ZNF91: variants seen among roughly 807,000 people sequenced by gnomAD.
ZNF91 encodes zinc finger protein 91 (HPF7, HTF10).
In ZNF91, 7 loss-of-function variants were observed where a neutral mutation model predicts 12.6. The ratio of observed to expected loss-of-function variants is 0.55; its 90% CI spans 0.31 to 1.04. The LOEUF (loss-of-function observed/expected upper bound fraction) is 1.04. Ranked by LOEUF, ZNF91 falls within the 50% of genes least tolerant of loss-of-function variation. The probability of loss-of-function intolerance (pLI) is 0.05; values close to 1 mark genes in which losing one functional copy is unlikely to be tolerated. For missense variants in ZNF91, 1,217 were observed against 1,385.4 expected (o/e 0.88, Z 1.93); for synonymous variants, 453 against 462.6 (o/e 0.98, Z 0.27).
intron 3 of ZNF91, chr19:23,339,427 G>C (rs987156332): frequency 6.6e-6 from 1 of 152,054 alleles, no homozygotes; most frequent in Non-Finnish European, 1.5e-5. Context: ...AATAATAGTG[G>C]AGAAATTCAA....
upstream of ZNF91, among the ~76,000 whole-genome samples, chr19:23,314,218 G>A (rs1349275117): frequency 6.6e-6 from 1 of 152,122 alleles, no homozygotes; most frequent in African/African-American, 2.4e-5. Flanking sequence ...TGCGAACAGG[G>A]GGAATTGTGA....
At position 23,360,788 on chromosome 19, in the gene ZNF91, T is replaced by C. The variant is rs1468909822; in HGVS notation, c.2191A>G (p.Ile731Val). ...KAFNRSSNLTIHKFIHTGEKP... is the reference protein window; with the variant it reads ...KAFNRSSNLTVHKFIHTGEKP... ...TCTCCAGTATGAATAAACTTATGTA[T>C]AGTAAGATTTGAAGATCGATTAAAA... Residue 731 changes from isoleucine (I) to valine (V), a missense_variant, in exon 4 of 4, where the codon ATA (isoleucine) becomes GTA (valine). By Grantham distance (29) the Ile-to-Val change is conservative. Coordinates refer to ENST00000300619, the MANE Select transcript of ZNF91 (RefSeq NM_003430.4). 8 of 1,613,034 alleles carry C rather than the reference T, an allele frequency of 5.0e-6. No individual in the cohort carries two copies. The highest frequency in any genetic ancestry group is 1.3e-5 in the African/African-American group (1 of 74,894).
chr19:23,372,336 A>G (rs571447650), intron 3 of ZNF91, among the ~76,000 whole-genome samples: 1 of 152,260 alleles, frequency 6.6e-6, no homozygotes, highest in African/African-American at 2.4e-5. Context: ...CACACCTGTA[A>G]TGACAGCTAC....
chr19:23,322,253 G>A (rs1447218948), intron 1 of ZNF91, among the ~76,000 whole-genome samples: 1 of 152,156 alleles, frequency 6.6e-6, no homozygotes. Flanking sequence ...TGGCGCTCCT[G>A]CTTTGGTCTT....
At chr19:23,389,505 A>T (rs1441624331) in intron 1 of ZNF91, among the ~76,000 whole-genome samples, 1 of 151,934 alleles carries the variant, frequency 6.6e-6, no homozygotes, top group Non-Finnish European at 1.5e-5. Flanking sequence ...TCTAGTGGGT[A>T]TGTTAGTGAG....
chr19:23,378,266 C>T (rs1161881894), intron 1 of ZNF91, among the ~76,000 whole-genome samples: 7 of 152,126 alleles, frequency 4.6e-5, no homozygotes, highest in Non-Finnish European at 8.8e-5. Context: ...GGATTCATTA[C>T]CCAAAACTCT....
intron 3 of ZNF91, among the ~76,000 whole-genome samples, chr19:23,305,626 C>T (rs534319656): frequency 1.3e-5 from 2 of 152,194 alleles, no homozygotes; most frequent in South Asian, 2.1e-4. Context: ...TCCAGTCAGC[C>T]GATATTTGAG....
intron 1 of ZNF91, among the ~76,000 whole-genome samples, chr19:23,318,833 C>A (rs1967624447): frequency 6.6e-6 from 1 of 152,292 alleles, no homozygotes; most frequent in African/African-American, 2.4e-5. Context: ...GGGCCCATTA[C>A]CTAGATGGTG....
At chr19:23,306,237 T>A (rs1967396965) in intron 3 of ZNF91, among the ~76,000 whole-genome samples, 1 of 152,202 alleles carries the variant, frequency 6.6e-6, no homozygotes, top group Admixed American at 6.5e-5. Context: ...CACACAGGTG[T>A]TGACTCTCAT....
At chr19:23,375,380 C>T (rs1254347559) in intron 1 of ZNF91, among the ~76,000 whole-genome samples, 1 of 152,048 alleles carries the variant, frequency 6.6e-6, no homozygotes. Context: ...AGGATGGTCT[C>T]GATCTCCTGA....
chr19:23,339,786 T>G (rs997705106), intron 3 of ZNF91: 6 of 150,758 alleles, frequency 4.0e-5, no homozygotes, highest in African/African-American at 1.5e-4. Flanking sequence ...CAAAAAAAAA[T>G]ATGAAAAAAT....
At chr19:23,334,642 C>A (rs1300397352), downstream of ZNF91, among the ~76,000 whole-genome samples, 2 of 152,108 alleles carry the variant, frequency 1.3e-5, no homozygotes, top group Admixed American at 1.3e-4. Context: ...CTAATTGGTA[C>A]TTATTTAAAC....
intron 3 of ZNF91, among the ~76,000 whole-genome samples, chr19:23,347,966 C>T (rs1455606892): frequency 3.9e-5 from 6 of 152,224 alleles, no homozygotes; most frequent in Admixed American, 1.3e-4. Context: ...CACACAAACT[C>T]TCAACATGCA....
downstream of ZNF91, among the ~76,000 whole-genome samples, chr19:23,336,961 A>T (rs943045818): frequency 2.0e-5 from 3 of 152,214 alleles, no homozygotes; most frequent in Non-Finnish European, 4.4e-5. Context: ...TAAGCAAGAT[A>T]GCAAGTTTTA....
At chr19:23,385,168 A>G in intron 1 of ZNF91, 1 of 699,180 alleles carries the variant, frequency 1.4e-6, no homozygotes. Flanking sequence ...ATGCAAGCTC[A>G]TCAAGGGAAA....
At position 23,366,469 on chromosome 19, in the gene ZNF91, A is replaced by C. The variant is rs548401644; in HGVS notation, c.254-3744T>G. Among the ~76,000 whole-genome samples the C allele has an allele frequency of 8.5e-5, 13 of 152,324 alleles. No individual in the cohort carries two copies. The East Asian group carries it at 2.5e-3, about 29-fold the overall frequency. ...ACAGAAAACCTAGACAACATTATAC[A>C]CTGATTTATCATTCTGCATATAGAG... On this transcript the variant is annotated intron_variant, in intron 3 of 3. Coordinates refer to ENST00000300619, the MANE Select transcript of ZNF91 (RefSeq NM_003430.4).
intron 1 of ZNF91, chr19:23,385,415 A>G (rs1969840834): frequency 3.5e-6 from 1 of 283,002 alleles, no homozygotes; most frequent in Non-Finnish European, 6.5e-6. Context: ...CTAAAATAAT[A>G]TTCTTATAAA....
intron 1 of ZNF91, among the ~76,000 whole-genome samples, chr19:23,393,218 CT>C (rs922430126): frequency 2.6e-5 from 4 of 152,042 alleles, no homozygotes; most frequent in African/African-American, 9.7e-5. Context: ...AGCAATGTGT[CT>C]CCAAGAAATG....
intron 1 of ZNF91, among the ~76,000 whole-genome samples, chr19:23,322,166 A>G (rs2145856720): frequency 6.6e-6 from 1 of 152,246 alleles, no homozygotes; most frequent in East Asian, 1.9e-4. Flanking sequence ...TAGGTTACGT[A>G]ACTTTCCTCT....
Sources: allele counts gnomAD v4.1 joint callset (sites outside exome capture counted in the v4.1 genomes callset), GRCh38; gene constraint gnomAD v4.1.1; transcripts MANE v1.5; gene names NCBI Gene and HGNC (gene_info 2026-07-23, HGNC 2026-07-21).